Variants in CECR2 observed in about 807,000 individuals in gnomAD.
CECR2 encodes CECR2 histone acetyl-lysine reader.
CECR2 carries 30 observed loss-of-function variants against 154.5 expected under a neutral mutation model. The ratio of observed to expected loss-of-function variants is 0.19; its 90% CI spans 0.15 to 0.26. The LOEUF is 0.26. Ranked by LOEUF, CECR2 falls within the 10% of genes least tolerant of loss-of-function variation. The pLI is 1.00. For missense variants in CECR2, 1,743 were observed against 1,829.3 expected (o/e 0.95, Z 0.86); for synonymous variants, 725 against 683.7 (o/e 1.06, Z -0.94).
At chr22:17,541,169 T>A (rs2056517295) in intron 14 of CECR2, among the ~76,000 whole-genome samples, 1 of 152,098 alleles carries the variant, frequency 6.6e-6, no homozygotes, top group Non-Finnish European at 1.5e-5. Context: ...AAAAAATATG[T>A]AATCTGGCTG....
chr22:17,438,673 A>G (rs929658393), intron 1 of CECR2, among the ~76,000 whole-genome samples: 1 of 151,650 alleles, frequency 6.6e-6, no homozygotes, highest in Admixed American at 6.6e-5. Flanking sequence ...TAGTGTTAGC[A>G]TATTTTATGT....
At chr22:17,481,431 AGTT>A (rs1227159551) in intron 2 of CECR2, among the ~76,000 whole-genome samples, 1 of 152,090 alleles carries the variant, frequency 6.6e-6, no homozygotes, top group African/African-American at 2.4e-5. Context: ...TATTCAGTAA[AGTT>A]ATTATGAGGA....
chr22:17,557,031 T>C lies in CECR2; in HGVS notation c.*4191T>C, dbSNP rs1383716913. The C allele has an allele frequency of 1.3e-5, 2 of 152,210 alleles. No individual in the cohort carries two copies. Among genetic ancestry groups the C allele is most frequent in the African/African-American group, 2.4e-5 (1 of 41,448 alleles). The allele number at this position is 152,210 out of a possible 1,614,324, so 9.4% of individuals were successfully genotyped here. On this transcript the variant is annotated 3_prime_UTR_variant, in exon 19 of 19. Transcript: ENST00000262608. ...CGTGAGAAAAAGCTGGGCTCCCTAT[T>C]TCTTTTTTGGGTTGGACTCTGCCGT...
chr22:17,524,387 C>CTTTTTTTTTTTTTTTTTTCTTTTTTTT lies in CECR2; in HGVS notation c.1108+134_1108+135insCTTTTTTTTTTTTTTTTTTTTTTTTTT, dbSNP rs2056217113. On this transcript the variant is annotated intron_variant, in intron 9 of 18. Coordinates refer to ENST00000262608, the MANE Select transcript of CECR2 (RefSeq NM_001290047.2). ...GCATCCAAGTTGTTTCCGGCAATTT[C>CTTTTTTTTTTTTTTTTTTCTTTTTTTT]TTTTTTTTTTTTTTTTTTTTTTTGA... 3 of 319,406 alleles carry CTTTTTTTTTTTTTTTTTTCTTTTTTTT rather than the reference C, an allele frequency of 9.4e-6. 1 individual carries two copies. Among genetic ancestry groups the CTTTTTTTTTTTTTTTTTTCTTTTTTTT allele is most frequent in the Admixed American group, 8.0e-5 (1 of 12,572 alleles). 19.8% of individuals were successfully genotyped at this position (319,406 alleles called of 1,614,324 possible).
At chr22:17,455,936 CAG>C (rs2054847503) in intron 1 of CECR2, among the ~76,000 whole-genome samples, 1 of 152,142 alleles carries the variant, frequency 6.6e-6, no homozygotes, top group Admixed American at 6.6e-5. Context: ...GGCTCAGCTG[CAG>C]TGAAGGTATT....
intron 1 of CECR2, among the ~76,000 whole-genome samples, chr22:17,421,691 G>A (rs1360015851): frequency 1.4e-5 from 2 of 147,358 alleles, no homozygotes; most frequent in African/African-American, 2.5e-5. Context: ...TACTCAGGAG[G>A]CTGAGGCAGA....
chr22:17,511,940 A>C lies in CECR2; in HGVS notation c.954+44A>C, dbSNP rs1377871486. On this transcript the variant is annotated intron_variant, in intron 8 of 18. Coordinates refer to ENST00000262608, the MANE Select transcript of CECR2 (RefSeq NM_001290047.2). ...AGCGAGGAGGAGCTTTCCTGATGAA[A>C]GAGACGGATCCTTTTCATGTACTTC... The C allele has an allele frequency of 2.1e-6, 3 of 1,440,668 alleles. No individual in the cohort carries two copies. The Middle Eastern group carries it at 5.4e-4, about 259-fold the overall frequency. The allele number at this position is 1,440,668 out of a possible 1,614,324, so 89.2% of individuals were successfully genotyped here.
intron 1 of CECR2, among the ~76,000 whole-genome samples, chr22:17,372,050 A>G (rs191659744): frequency 9.5e-4 from 145 of 152,304 alleles, no homozygotes; most frequent in Non-Finnish European, 1.5e-3. Flanking sequence ...ATTTGATATG[A>G]CTGTCCTCTC....
At chr22:17,544,551 C>T (rs1472492296) in intron 16 of CECR2, among the ~76,000 whole-genome samples, 1 of 150,456 alleles carries the variant, frequency 6.6e-6, no homozygotes, top group African/African-American at 2.5e-5. Flanking sequence ...TGGCTCATGC[C>T]TGTAATTCCA....
intron 1 of CECR2, among the ~76,000 whole-genome samples, chr22:17,389,169 A>G (rs1163405261): frequency 6.6e-6 from 1 of 152,138 alleles, no homozygotes; most frequent in Non-Finnish European, 1.5e-5. Flanking sequence ...GAAGGCTGGT[A>G]CACAGAATTC....
chr22:17,481,672 G>A (rs867880773), intron 2 of CECR2, among the ~76,000 whole-genome samples: 10 of 152,272 alleles, frequency 6.6e-5, no homozygotes, highest in East Asian at 1.9e-4. Context: ...CCTCATGTAC[G>A]ACAGTGGTCA....
intron 16 of CECR2, 91 bp downstream of exon 16, chr22:17,543,094 C>T (rs1373854721): frequency 1.4e-5 from 19 of 1,331,682 alleles, no homozygotes; most frequent in Non-Finnish European, 1.8e-5. Flanking sequence ...AATCTGGTTC[C>T]CAGCCTCTCT....
At chr22:17,424,116 A>G (rs747284345) in intron 1 of CECR2, among the ~76,000 whole-genome samples, 2 of 152,170 alleles carry the variant, frequency 1.3e-5, no homozygotes, top group Non-Finnish European at 2.9e-5. Context: ...AAGGAATTAA[A>G]TGAACTTTGA....
chr22:17,368,741 G>C (rs763921096), upstream of CECR2, among the ~76,000 whole-genome samples: 5 of 152,014 alleles, frequency 3.3e-5, no homozygotes, highest in African/African-American at 1.2e-4. Flanking sequence ...GCAGGGTTCC[G>C]AGCCCGTCTT....
intron 1 of CECR2, among the ~76,000 whole-genome samples, chr22:17,452,677 G>A (rs564951046): frequency 3.9e-5 from 6 of 152,244 alleles, no homozygotes; most frequent in South Asian, 2.1e-4. Flanking sequence ...ATCTGTATTC[G>A]GGTTTTGGAA....
intron 9 of CECR2, among the ~76,000 whole-genome samples, chr22:17,531,103 G>GT (rs1420679266): frequency 6.6e-6 from 1 of 152,212 alleles, no homozygotes; most frequent in Non-Finnish European, 1.5e-5. Context: ...GTAACTTGTA[G>GT]TTAATCAGTT....
At chr22:17,366,168 A>G (rs1460124308), upstream of CECR2, among the ~76,000 whole-genome samples, 5 of 151,976 alleles carry the variant, frequency 3.3e-5, no homozygotes, top group Non-Finnish European at 7.4e-5. Flanking sequence ...TGAGAAGGGG[A>G]AAGAAAATAT....
intron 7 of CECR2, among the ~76,000 whole-genome samples, chr22:17,506,058 G>C (rs2146903843): frequency 6.6e-6 from 1 of 151,830 alleles, no homozygotes; most frequent in South Asian, 2.1e-4. Context: ...TGCTGCCTAG[G>C]CTTGTCCCAA....
chr22:17,515,643 A>G (rs956810689), intron 8 of CECR2, among the ~76,000 whole-genome samples: 4 of 152,152 alleles, frequency 2.6e-5, no homozygotes, highest in Non-Finnish European at 5.9e-5. Context: ...TAAGCATACA[A>G]TAAAAGCTGT....
Sources: gnomAD v4.1 joint callset for allele counts (sites outside exome capture counted in the v4.1 genomes callset) on GRCh38, gnomAD v4.1.1 for gene constraint, MANE v1.5 for transcripts, NCBI Gene and HGNC (gene_info 2026-07-23, HGNC 2026-07-21) for gene names.